The following KALRN variants were observed in gnomAD, a reference collection of about 807,000 sequenced individuals.
The protein encoded by KALRN is kalirin.
A neutral mutation model predicts 353.7 loss-of-function variants in KALRN; 70 were observed. The observed-to-expected ratio is 0.20, with a 90% CI of 0.16 to 0.24. The LOEUF is 0.24. Among genes scored for constraint, KALRN ranks in the 10% least tolerant of loss-of-function variants. The probability of loss-of-function intolerance (pLI) is 1.00; values close to 1 mark genes in which losing one functional copy is unlikely to be tolerated. For missense variants in KALRN, 2,791 were observed against 3,756.7 expected (o/e 0.74, Z 6.72); for synonymous variants, 1,391 against 1,434.8 (o/e 0.97, Z 0.69).
Position 124,402,905 on chromosome 3 carries a change from A to G in KALRN, c.2346+4034A>G, listed in dbSNP as rs145784089. Among the ~76,000 whole-genome samples the G allele has an allele frequency of 4.2e-3, 637 of 152,324 alleles. 3 individuals are homozygous for G. Among genetic ancestry groups the G allele is most frequent in the African/African-American group, 0.015 (611 of 41,574 alleles). Reference sequence around the variant, plus strand: ...CATAATGTGGCTGACAGAGAATTCAAAGTTCTCTTGTGCTTTCATGATTGG... The same window carrying G: ...CATAATGTGGCTGACAGAGAATTCAGAGTTCTCTTGTGCTTTCATGATTGG... On this transcript the variant is annotated intron_variant, in intron 13 of 59. Coordinates refer to ENST00000682506, the MANE Select transcript of KALRN (RefSeq NM_001388419.1).
intron 14 of KALRN, among the ~76,000 whole-genome samples, chr3:124,420,043 A>G (rs1381953103): frequency 1.3e-5 from 2 of 152,202 alleles, no homozygotes; most frequent in Admixed American, 1.3e-4. Flanking sequence ...TGTGGCTGGA[A>G]TAAATCTTCA....
chr3:124,691,673 A>G (rs1336571849), intron 51 of KALRN, among the ~76,000 whole-genome samples: 1 of 152,182 alleles, frequency 6.6e-6, no homozygotes, highest in East Asian at 1.9e-4. Flanking sequence ...ACCCTGAGAT[A>G]ACCACTGTTA....
chr3:124,407,662 T>C (rs1288705565), intron 13 of KALRN: 1 of 152,222 alleles, frequency 6.6e-6, no homozygotes, highest in Non-Finnish European at 1.5e-5. Context: ...TAAAAAAAAT[T>C]ACTAAACTCT....
intron 34 of KALRN, among the ~76,000 whole-genome samples, chr3:124,621,305 A>G (rs1002434219): frequency 2.0e-5 from 3 of 152,216 alleles, no homozygotes; most frequent in African/African-American, 7.2e-5. Flanking sequence ...ATAGATACAG[A>G]TGTTCTAAAT....
chr3:124,447,679 A>G (rs1229518396), intron 21 of KALRN, among the ~76,000 whole-genome samples: 1 of 152,198 alleles, frequency 6.6e-6, no homozygotes, highest in Non-Finnish European at 1.5e-5. Context: ...CAAGGTGGGA[A>G]ACATCCTATC....
At chr3:124,475,229 A>T (rs2061331030) in intron 26 of KALRN, among the ~76,000 whole-genome samples, 1 of 152,170 alleles carries the variant, frequency 6.6e-6, no homozygotes, top group African/African-American at 2.4e-5. Context: ...AGTTCCACCT[A>T]ACAATTGGTT....
chr3:124,136,394 G>C (rs1449191783), intron 1 of KALRN, among the ~76,000 whole-genome samples: 1 of 152,160 alleles, frequency 6.6e-6, no homozygotes, highest in Admixed American at 6.5e-5. Context: ...GATGCTGCTG[G>C]TCTGGGGACC....
chr3:124,518,583 T>C, intron 33 of KALRN: 2 of 1,594,120 alleles, frequency 1.3e-6, no homozygotes, highest in Non-Finnish European at 1.7e-6. Flanking sequence ...TGGTGTGGGG[T>C]GCAGCCTTTG....
chr3:124,179,082 G>A (rs1390204724), intron 1 of KALRN, among the ~76,000 whole-genome samples: 1 of 152,050 alleles, frequency 6.6e-6, no homozygotes, highest in East Asian at 1.9e-4. Flanking sequence ...ATTCCAGCCT[G>A]CTGGGTGACA....
In KALRN at chr3:124,326,168, G is replaced by A; in HGVS notation, c.1281G>A (p.Glu427=). The part of the protein sequence containing the change: ...AMSAVFHQKA[E]QFLSGVDAWC... The stretch of plus-strand genomic sequence containing the variant: ...CTGCTGTGTTCCACCAGAAGGCTGA[G>A]CAGGTAAGGTGCAGAAACCTGCAGC... The change falls in exon 7 of 60, where the codon GAG becomes GAA. Residue 427 remains glutamate (E), a synonymous_variant. Transcript: ENST00000682506. 6.2e-7 allele frequency: 1 copy of A among 1,610,746 alleles called. No homozygotes were observed. The highest frequency in any genetic ancestry group is 8.5e-7 in the Non-Finnish European group (1 of 1,178,268).
chr3:124,407,669 C>G (rs1354606766), intron 13 of KALRN: 5 of 152,158 alleles, frequency 3.3e-5, no homozygotes, highest in Non-Finnish European at 5.9e-5. Context: ...AATTACTAAA[C>G]TCTTTAAAAA....
chr3:124,380,831 C>G (rs1219329360), intron 10 of KALRN, among the ~76,000 whole-genome samples: 1 of 152,022 alleles, frequency 6.6e-6, no homozygotes, highest in South Asian at 2.1e-4. Flanking sequence ...GTAGGATATA[C>G]CAAATAAAAT....
intron 33 of KALRN, among the ~76,000 whole-genome samples, chr3:124,557,959 A>T (rs2071477046): frequency 6.6e-6 from 1 of 152,162 alleles, no homozygotes; most frequent in South Asian, 2.1e-4. Flanking sequence ...ATGAAGAGGC[A>T]AGAGTGAATC....
chr3:124,473,004 T>C (rs780700786), intron 25 of KALRN, among the ~76,000 whole-genome samples: 2 of 152,212 alleles, frequency 1.3e-5, no homozygotes, highest in Non-Finnish European at 2.9e-5. Flanking sequence ...TCATTTGTCG[T>C]AGAAAAAATT....
chr3:124,194,874 T>G (rs1458814959), intron 1 of KALRN, among the ~76,000 whole-genome samples: 1 of 152,142 alleles, frequency 6.6e-6, no homozygotes, highest in Non-Finnish European at 1.5e-5. Flanking sequence ...GGTTGCATGC[T>G]GAGGAGAAAT....
chr3:124,641,994 C>A (rs910426879), intron 37 of KALRN, among the ~76,000 whole-genome samples: 1 of 152,088 alleles, frequency 6.6e-6, no homozygotes, highest in African/African-American at 2.4e-5. Flanking sequence ...GGAAAGAAAG[C>A]CCCTAGGCCA....
intron 1 of KALRN, among the ~76,000 whole-genome samples, chr3:124,055,260 A>G (rs1460898874): frequency 6.6e-6 from 1 of 152,194 alleles, no homozygotes; most frequent in African/African-American, 2.4e-5. Context: ...CTGATTGTAA[A>G]TGTCTGGTTT....
chr3:124,223,537 G>A lies in KALRN; in HGVS notation c.74-4453G>A, dbSNP rs187042289. On this transcript the variant is annotated intron_variant, in intron 1 of 59. Coordinates refer to ENST00000682506, the MANE Select transcript of KALRN (RefSeq NM_001388419.1). Reference sequence around the variant, plus strand: ...ACTTCTAAATAGGTGCACATTAAAGGGGTGTGACTGAGAACCAAAAGGAAA... The same window carrying A: ...ACTTCTAAATAGGTGCACATTAAAGAGGTGTGACTGAGAACCAAAAGGAAA... Among the ~76,000 whole-genome samples, 324 of 152,288 alleles carry A rather than the reference G, an allele frequency of 2.1e-3. 2 individuals carry two copies. Among genetic ancestry groups the A allele is most frequent in the African/African-American group, 7.6e-3 (317 of 41,570 alleles).
chr3:124,542,625 A>T (rs944973944), intron 33 of KALRN, among the ~76,000 whole-genome samples: 4 of 152,276 alleles, frequency 2.6e-5, no homozygotes, highest in African/African-American at 9.6e-5. Context: ...TAGCTGACCC[A>T]AACTGCATTA....
Sources: allele counts gnomAD v4.1 joint callset (sites outside exome capture counted in the v4.1 genomes callset), GRCh38; gene constraint gnomAD v4.1.1; transcripts MANE v1.5; gene names NCBI Gene and HGNC (gene_info 2026-07-23, HGNC 2026-07-21).